KLC1: variants seen among roughly 807,000 people sequenced by gnomAD.
KLC1 encodes kinesin 2 60/70kDa.
In KLC1, 30 loss-of-function variants were observed where a neutral mutation model predicts 84.2. The observed-to-expected ratio is 0.36, with a 90% CI of 0.27 to 0.48. The LOEUF (loss-of-function observed/expected upper bound fraction) is 0.48, where lower values mean the gene tolerates loss of function less well. KLC1 is among the 20% of genes least tolerant of loss of function. KLC1 has a pLI of 0.99. For synonymous variants in KLC1, 289 were observed against 293.3 expected, an observed-to-expected ratio of 0.99 and a Z score of 0.15; for missense variants, 499 against 805.4, an observed-to-expected ratio of 0.62 and a Z score of 4.60.
chr14:103,672,015 A>G (rs2080427203), intron 7 of KLC1, among the ~76,000 whole-genome samples: 1 of 152,164 alleles, frequency 6.6e-6, no homozygotes, highest in Admixed American at 6.5e-5. Context: ...TCAGACATGT[A>G]GTTCCTCCCA....
chr14:103,694,359 C>T lies in KLC1; in HGVS notation c.1848+1934C>T, dbSNP rs1328852895. ...CTCCACCTCCTGGGTTCACGCCATT[C>T]TCCTGCCTCAGCCTCCCGAGTAGCT... is the stretch of plus-strand genomic sequence containing the variant. On this transcript the variant is annotated intron_variant, in intron 15 of 16. Coordinates refer to ENST00000334553, the MANE Select transcript of KLC1 (RefSeq NM_001394837.1). This position sits in a 1 kb window ranked among gnomAD's most constrained non-coding sequence, Gnocchi z 4.5. 1.7e-5 allele frequency: 16 copies of T among 934,518 alleles called. No homozygotes were observed. The highest frequency in any genetic ancestry group is 2.0e-5 in the Non-Finnish European group (16 of 784,860). The allele number at this position is 934,518 out of a possible 1,614,324, so 57.9% of individuals were successfully genotyped here. A position where few individuals can be genotyped will look rare whatever the true frequency, so the allele number is the denominator to read the frequency against.
At chr14:103,684,748 A>G (rs991403486) in intron 13 of KLC1, 1 of 515,934 alleles carries the variant, frequency 1.9e-6, no homozygotes, top group Non-Finnish European at 3.5e-6. Flanking sequence ...CACATGAAAT[A>G]CTTTTGAATC....
chr14:103,699,612 C>A, intron 15 of KLC1: 1 of 1,608,196 alleles, frequency 6.2e-7, no homozygotes, highest in Non-Finnish European at 8.5e-7. Flanking sequence ...TGCTGGTCAG[C>A]AAGTCCCCGC....
intron 15 of KLC1, chr14:103,697,289 T>C (rs746001676): frequency 4.1e-6 from 1 of 244,450 alleles, no homozygotes; most frequent in Non-Finnish European, 6.6e-6. Context: ...TTAAACGGAT[T>C]GTCCCACCCT....
intron 1 of KLC1, among the ~76,000 whole-genome samples, chr14:103,647,991 G>A (rs1204810298): frequency 1.3e-5 from 2 of 150,260 alleles, no homozygotes. Context: ...TCGCTCTTTT[G>A]GCAGGCTGGA....
At chr14:103,659,351 C>G (rs1368437587) in intron 3 of KLC1, among the ~76,000 whole-genome samples, 4 of 152,288 alleles carry the variant, frequency 2.6e-5, no homozygotes, top group South Asian at 2.1e-4. Context: ...TTACCCTCCT[C>G]TCAAGTTTCC....
At chr14:103,651,498 G>A (rs1455424720) in intron 1 of KLC1, among the ~76,000 whole-genome samples, 3 of 152,064 alleles carry the variant, frequency 2.0e-5, no homozygotes, top group Non-Finnish European at 2.9e-5. Context: ...CCTTGGCACC[G>A]TTTATTATAT....
chr14:103,647,545 A>T (rs1008529624), intron 1 of KLC1, among the ~76,000 whole-genome samples: 1 of 151,514 alleles, frequency 6.6e-6, no homozygotes, highest in African/African-American at 2.4e-5. Context: ...CTTTTTTGTT[A>T]TTGTTTCTTA....
chr14:103,656,936 C>G (rs2078881028), intron 2 of KLC1, among the ~76,000 whole-genome samples: 1 of 152,212 alleles, frequency 6.6e-6, no homozygotes, highest in Non-Finnish European at 1.5e-5. Context: ...CAGCCTCACG[C>G]TGGTCTGTTC....
chr14:103,656,732 C>T lies in KLC1; in HGVS notation c.262-814C>T, dbSNP rs146841335. Reference sequence around the variant, plus strand: ...GAATTTAAACTTGCTTTTTTGGTGTCGCAGATAAGAGTTTTAAAAAAAGAA... The same window carrying T: ...GAATTTAAACTTGCTTTTTTGGTGTTGCAGATAAGAGTTTTAAAAAAAGAA... On this transcript the variant is annotated intron_variant, in intron 2 of 16. Coordinates refer to ENST00000334553, the MANE Select transcript of KLC1 (RefSeq NM_001394837.1). Among the ~76,000 whole-genome samples, 1,146 of 152,092 alleles carry T rather than the reference C, an allele frequency of 7.5e-3. 10 individuals carry two copies. The highest frequency in any genetic ancestry group is 0.012 in the Non-Finnish European group (822 of 67,992).
At position 103,693,601 on chromosome 14, in the gene KLC1, A is replaced by G. The variant is rs2151862268; in HGVS notation, c.1848+1176A>G. The G allele has an allele frequency of 2.6e-6, 4 of 1,536,032 alleles. No individual in the cohort carries two copies. The highest frequency in any genetic ancestry group is 3.5e-6 in the Non-Finnish European group (4 of 1,146,884). On this transcript the variant is annotated intron_variant, in intron 15 of 16. Transcript: ENST00000334553. The surrounding 1 kb of genome is among the most constrained non-coding windows in gnomAD (Gnocchi z 5.1). ...CTCGCGAGCTCTGAGTGCCAGCCAC[A>G]CTGACCTGGCCCACTGAGAGCCAGC...
intron 7 of KLC1, among the ~76,000 whole-genome samples, chr14:103,671,670 C>T (rs976680843): frequency 1.3e-5 from 2 of 152,136 alleles, no homozygotes; most frequent in African/African-American, 4.8e-5. Flanking sequence ...TGCACCCAGC[C>T]GCACAAATGG....
intron 1 of KLC1, among the ~76,000 whole-genome samples, chr14:103,634,185 A>C (rs561388941): frequency 1.8e-4 from 28 of 152,214 alleles, no homozygotes; most frequent in African/African-American, 6.3e-4. Flanking sequence ...GTATTATTTT[A>C]ATCATTTTAA....
In KLC1 at chr14:103,662,107, G is replaced by C; in HGVS notation, c.493-9G>C. ...TAAGATGAAGTGTTGTCCTGGGTCT[G>C]TTTTATAGGAGGACAAAGACACTGA... On this transcript the variant is annotated splice_polypyrimidine_tract_variant and intron_variant, in intron 3 of 16. Coordinates refer to ENST00000334553, the MANE Select transcript of KLC1 (RefSeq NM_001394837.1). 1 of 1,610,052 alleles carries C rather than the reference G, an allele frequency of 6.2e-7. No homozygotes were observed. The highest frequency in any genetic ancestry group is 2.2e-5 in the East Asian group (1 of 44,852).
intron 1 of KLC1, among the ~76,000 whole-genome samples, chr14:103,630,113 C>T (rs1045337855): frequency 6.6e-6 from 1 of 152,348 alleles, no homozygotes; most frequent in African/African-American, 2.4e-5. Context: ...TTTTCAGTAA[C>T]CAGATGCGAA....
intron 1 of KLC1, among the ~76,000 whole-genome samples, chr14:103,636,681 T>TA (rs1436509733): frequency 1.3e-5 from 2 of 152,092 alleles, no homozygotes; most frequent in African/African-American, 4.8e-5. Flanking sequence ...TTTGCCCATT[T>TA]AAAAAATTGG....
intron 15 of KLC1, chr14:103,699,918 C>G: frequency 2.7e-6 from 1 of 375,698 alleles, no homozygotes; most frequent in South Asian, 2.3e-5. Context: ...TCTCCTTCTG[C>G]CATGGTTTCA....
Position 103,694,537 on chromosome 14 carries a change from T to A in KLC1, c.1848+2112T>A. ...AACCTTTTCAAATCAATGCTGAGGC[T>A]GTATTTCTTAGCCGTCCACAAACTA... On this transcript the variant is annotated intron_variant, in intron 15 of 16. Transcript: ENST00000334553. The surrounding 1 kb of genome is among the most constrained non-coding windows in gnomAD (Gnocchi z 4.5). The A allele has an allele frequency of 2.0e-6, 2 of 985,490 alleles. No individual in the cohort carries two copies. Among genetic ancestry groups the A allele is most frequent in the Non-Finnish European group, 2.4e-6 (2 of 829,954 alleles). The allele number at this position is 985,490 out of a possible 1,614,324, so 61.0% of individuals were successfully genotyped here.
At chr14:103,682,460 G>A (rs1411619930) in intron 13 of KLC1, 5 of 151,918 alleles carry the variant, frequency 3.3e-5, no homozygotes. Flanking sequence ...CAAGGCGGGT[G>A]GATCATTTGA....
Sources: gnomAD v4.1 joint callset for allele counts (sites outside exome capture counted in the v4.1 genomes callset) on GRCh38, gnomAD v4.1.1 for gene constraint, Gnocchi (gnomAD v3.1) non-coding constraint, MANE v1.5 for transcripts, NCBI Gene and HGNC (gene_info 2026-07-23, HGNC 2026-07-21) for gene names.